Variants in ARHGAP26 observed in about 807,000 individuals in gnomAD.
ARHGAP26 encodes rho GTPase-activating protein 26.
A neutral mutation model predicts 104.8 loss-of-function variants in ARHGAP26; 38 were observed. The observed-to-expected ratio is 0.36, with a 90% CI of 0.28 to 0.48. The LOEUF (loss-of-function observed/expected upper bound fraction) is 0.48. ARHGAP26 is among the 20% of genes least tolerant of loss of function. The probability of loss-of-function intolerance (pLI) is 0.99; values close to 1 mark genes in which losing one functional copy is unlikely to be tolerated. For missense variants in ARHGAP26, 704 were observed against 947.9 expected (o/e 0.74, Z 3.38); for synonymous variants, 341 against 340.0 (o/e 1.00, Z -0.03).
intron 11 of ARHGAP26, among the ~76,000 whole-genome samples, chr5:142,989,188 A>G (rs1378366318): frequency 6.6e-6 from 1 of 152,194 alleles, no homozygotes; most frequent in Non-Finnish European, 1.5e-5. Context: ...TATTGGGTGC[A>G]TATATATTTA....
At chr5:143,168,598 T>C (rs2151112477) in intron 20 of ARHGAP26, 1 of 152,198 alleles carries the variant, frequency 6.6e-6, no homozygotes, top group African/African-American at 2.4e-5. Flanking sequence ...ACAAAATAGG[T>C]TCAAAAATAA....
At chr5:142,941,158 T>G (rs900148831) in intron 11 of ARHGAP26, among the ~76,000 whole-genome samples, 3 of 151,082 alleles carry the variant, frequency 2.0e-5, no homozygotes, top group Admixed American at 6.6e-5. Context: ...ATGGTAGTTC[T>G]GTTTTAAGTT....
intron 19 of ARHGAP26, among the ~76,000 whole-genome samples, chr5:143,140,775 G>A (rs1016987763): frequency 3.3e-5 from 5 of 151,986 alleles, no homozygotes; most frequent in African/African-American, 1.2e-4. Flanking sequence ...TGGATTCTTG[G>A]GCCTTGTTTT....
chr5:143,049,589 T>C (rs1420231056), intron 14 of ARHGAP26, among the ~76,000 whole-genome samples: 1 of 152,172 alleles, frequency 6.6e-6, no homozygotes, highest in African/African-American at 2.4e-5. Flanking sequence ...CCAACAAATA[T>C]TTTATAGGAT....
At chr5:143,112,387 A>G (rs1244185301) in intron 17 of ARHGAP26, among the ~76,000 whole-genome samples, 2 of 152,232 alleles carry the variant, frequency 1.3e-5, no homozygotes, top group Non-Finnish European at 2.9e-5. Flanking sequence ...GACTGGGTAG[A>G]GGAGGGCCTT....
rs1032660297 is a variant in ARHGAP26, at chr5:142,871,600, A to G, written c.155-1800A>G. Among the ~76,000 whole-genome samples the G allele has an allele frequency of 6.6e-6, 1 of 152,160 alleles. No individual in the cohort carries two copies. The highest frequency in any genetic ancestry group is 2.4e-5 in the African/African-American group (1 of 41,420). ...ACACATTTGGAGGCTCTAACAGAAC[A>G]TTGTCTTCCACTCTAAAATATTATT... On this transcript the variant is annotated intron_variant, in intron 1 of 22. Coordinates refer to ENST00000645722, the MANE Select transcript of ARHGAP26 (RefSeq NM_001135608.3). The surrounding 1 kb of genome is among the most constrained non-coding windows in gnomAD (Gnocchi z 4.1).
At chr5:142,970,800 C>A (rs528784621) in intron 11 of ARHGAP26, among the ~76,000 whole-genome samples, 2 of 152,266 alleles carry the variant, frequency 1.3e-5, no homozygotes, top group South Asian at 4.1e-4. Flanking sequence ...ATAGAAGTTT[C>A]TGTAAGATGT....
intron 1 of ARHGAP26, among the ~76,000 whole-genome samples, chr5:142,856,106 G>A (rs759976420): frequency 1.3e-5 from 2 of 152,210 alleles, no homozygotes; most frequent in Non-Finnish European, 2.9e-5. Context: ...GCTGAAGTGA[G>A]CACTGGGCTG....
chr5:142,781,803 C>T (rs1757552312), intron 1 of ARHGAP26, among the ~76,000 whole-genome samples: 1 of 152,156 alleles, frequency 6.6e-6, no homozygotes, highest in Non-Finnish European at 1.5e-5. Flanking sequence ...CCTCCGCCTC[C>T]CGGGTTCAAG....
rs187200097 is a variant in ARHGAP26, at chr5:142,948,212, A to C, written c.1107+16087A>C. Among the ~76,000 whole-genome samples, 157 of 152,146 alleles carry C rather than the reference A, an allele frequency of 1.0e-3. 4 individuals carry two copies. In the East Asian group the frequency reaches 0.022, roughly 21 times the overall value. On this transcript the variant is annotated intron_variant, in intron 11 of 22. Transcript: ENST00000645722. The stretch of plus-strand genomic sequence containing the variant: ...TGGCAGAAACCATATACTAAATGTC[A>C]CACCAGAGAAAGTCTCAGGTCAGAA...
chr5:142,842,682 G>T (rs1771053252), intron 1 of ARHGAP26, among the ~76,000 whole-genome samples: 1 of 152,198 alleles, frequency 6.6e-6, no homozygotes, highest in Non-Finnish European at 1.5e-5. Flanking sequence ...TCAGCCCTAT[G>T]TCTTTGGGCA....
chr5:143,084,539 G>C (rs1306000743), intron 17 of ARHGAP26, among the ~76,000 whole-genome samples: 2 of 152,186 alleles, frequency 1.3e-5, no homozygotes, highest in Non-Finnish European at 2.9e-5. Context: ...TTAACCAAAA[G>C]GGAGCCCTGC....
intron 1 of ARHGAP26, among the ~76,000 whole-genome samples, chr5:142,826,208 G>A (rs552735205): frequency 2.9e-4 from 44 of 152,262 alleles, no homozygotes; most frequent in African/African-American, 9.9e-4. Flanking sequence ...CTGATGCTTC[G>A]TCTGTCCATT....
chr5:143,100,723 G>T (rs979995765), intron 17 of ARHGAP26, among the ~76,000 whole-genome samples: 2 of 152,218 alleles, frequency 1.3e-5, no homozygotes, highest in African/African-American at 4.8e-5. Flanking sequence ...CCTTAGGCAT[G>T]CACTTGATTT....
chr5:142,897,223 T>A (rs1759597148), intron 6 of ARHGAP26, among the ~76,000 whole-genome samples: 1 of 152,196 alleles, frequency 6.6e-6, no homozygotes. Flanking sequence ...ACCATCGTAG[T>A]GTGCAGATGT....
chr5:143,214,765 C>T (rs188866965), intron 22 of ARHGAP26, among the ~76,000 whole-genome samples: 1 of 152,346 alleles, frequency 6.6e-6, no homozygotes, highest in East Asian at 1.9e-4. Context: ...AGGCACAGAA[C>T]ATGAGGGTCT....
chr5:142,869,389 T>G (rs925093025), intron 1 of ARHGAP26, among the ~76,000 whole-genome samples: 2 of 151,784 alleles, frequency 1.3e-5, no homozygotes, highest in Non-Finnish European at 2.9e-5. Context: ...TTTTATTTTT[T>G]TTTGTATTTT....
At chr5:143,005,537 C>T (rs1443399615) in intron 11 of ARHGAP26, among the ~76,000 whole-genome samples, 2 of 152,136 alleles carry the variant, frequency 1.3e-5, no homozygotes, top group African/African-American at 4.8e-5. Flanking sequence ...GGAGGTGGCT[C>T]CCCAAGGAAA....
intron 12 of ARHGAP26, among the ~76,000 whole-genome samples, chr5:143,027,178 T>C (rs1335533466): frequency 1.1e-5 from 1 of 89,884 alleles, no homozygotes; most frequent in East Asian, 3.7e-4. Context: ...TTTTTGTGTT[T>C]TTTTTTTTTT....
Sources: gnomAD v4.1 joint callset for allele counts (sites outside exome capture counted in the v4.1 genomes callset) on GRCh38, gnomAD v4.1.1 for gene constraint, Gnocchi (gnomAD v3.1) non-coding constraint, MANE v1.5 for transcripts, NCBI Gene and HGNC (gene_info 2026-07-23, HGNC 2026-07-21) for gene names.